The following KTN1 variants were observed in gnomAD, a reference collection of about 807,000 sequenced individuals.
KTN1 encodes the protein kinectin 1, also known as kinectin.
A neutral mutation model predicts 222.5 loss-of-function variants in KTN1; 130 were observed. The ratio of observed to expected loss-of-function variants is 0.58; its 90% confidence interval spans 0.51 to 0.68. The LOEUF (loss-of-function observed/expected upper bound fraction) is 0.68, where lower values mean the gene tolerates loss of function less well. KTN1 is among the 30% of genes least tolerant of loss of function. The pLI, the probability that KTN1 is intolerant of heterozygous loss-of-function variation, is 0.00. For synonymous variants in KTN1, 512 were observed against 496.3 expected (o/e 1.03, Z -0.42); for missense variants, 1,508 against 1,500.4 (o/e 1.01, Z -0.08).
At chr14:55,644,854 A>G (rs2042145762) in intron 18 of KTN1, among the ~76,000 whole-genome samples, 1 of 152,148 alleles carries the variant, frequency 6.6e-6, no homozygotes, top group South Asian at 2.1e-4. Flanking sequence ...AAGCTGAGTC[A>G]GGTTTATGCA....
At chr14:55,657,945 G>A (rs2141189023) in intron 29 of KTN1, among the ~76,000 whole-genome samples, 1 of 151,978 alleles carries the variant, frequency 6.6e-6, no homozygotes, top group Non-Finnish European at 1.5e-5. Flanking sequence ...TTCTTCTAAT[G>A]TGTTTATAAT....
rs1195029594 is a variant in KTN1, at chr14:55,670,830, G to A, written c.3348+21G>A. 2.7e-6 allele frequency: 4 copies of A among 1,476,548 alleles called. No homozygotes were observed. In the African/African-American group the frequency reaches 5.6e-5, roughly 21 times the overall value. The allele number at this position is 1,476,548 out of a possible 1,614,324, so 91.5% of individuals were successfully genotyped here. The stretch of plus-strand genomic sequence containing the variant: ...TTAAGGTTAGTTCAGCAAATGAACT[G>A]TTTGTAATTTAAACATAGAAAAAAG... On this transcript the variant is annotated intron_variant, in intron 35 of 43. Coordinates refer to ENST00000395314, the MANE Select transcript of KTN1 (RefSeq NM_001079521.2).
In KTN1 at chr14:55,650,363, A is replaced by G. The variant is rs952136642; in HGVS notation, c.2441A>G (p.Glu814Gly). The change falls in exon 23 of 44, where the codon GAA becomes GGA. Residue 814 changes from glutamate (E) to glycine (G), a missense_variant. Transcript: ENST00000395314. ...HEKDGKIKSV[E>G]ELLEAELLKV... is the part of the protein sequence containing the mutation. The stretch of plus-strand genomic sequence containing the variant: ...AAAGATGGAAAGATCAAGTCTGTAG[A>G]AGAGCTTCTGGAGGCAGAACTTCTC... 1.2e-6 allele frequency: 2 copies of G among 1,610,944 alleles called. No homozygotes were observed. Among genetic ancestry groups the G allele is most frequent in the African/African-American group, 2.7e-5 (2 of 74,704 alleles).
At chr14:55,657,787 G>A (rs925979155) in intron 29 of KTN1, among the ~76,000 whole-genome samples, 4 of 152,000 alleles carry the variant, frequency 2.6e-5, no homozygotes, top group Non-Finnish European at 4.4e-5. Flanking sequence ...GGTGGCAGGT[G>A]CCTGTAGTCC....
intron 1 of KTN1, among the ~76,000 whole-genome samples, chr14:55,591,289 C>CTA (rs1241143059): frequency 6.6e-6 from 1 of 152,106 alleles, no homozygotes; most frequent in African/African-American, 2.4e-5. Flanking sequence ...TAGTCAAGAC[C>CTA]TAAGTTTTAT....
At chr14:55,640,753 T>C (rs2041705282) in intron 15 of KTN1, among the ~76,000 whole-genome samples, 180 bp from the exon 16 acceptor site, 2 of 151,746 alleles carry the variant, frequency 1.3e-5, no homozygotes, top group Admixed American at 6.6e-5. Context: ...GAATGGAAAA[T>C]AGTCTAGAAT....
chr14:55,651,937 A>G lies in KTN1; in HGVS notation c.2603+10A>G, dbSNP rs188015574. 476 of 1,505,490 alleles carry G rather than the reference A, an allele frequency of 3.2e-4. No individual in the cohort carries two copies. The African/African-American group carries it at 6.1e-3, about 19-fold the overall frequency. The allele number at this position is 1,505,490 out of a possible 1,614,324, so 93.3% of individuals were successfully genotyped here. On this transcript the variant is annotated intron_variant, in intron 25 of 43. Coordinates refer to ENST00000395314, the MANE Select transcript of KTN1 (RefSeq NM_001079521.2). ...AGGAGCTTCAGAACTTGTAAGTACC[A>G]TTTATCTCATTTCCTTTTACTATTT...
At chr14:55,650,841 G>A (rs1293407379) in intron 24 of KTN1, among the ~76,000 whole-genome samples, 4 of 151,916 alleles carry the variant, frequency 2.6e-5, no homozygotes, top group Non-Finnish European at 5.9e-5. Context: ...ACTGTTAATG[G>A]TTATTTTCTA....
Position 55,640,455 on chromosome 14 carries a change from T to C in KTN1, c.1983+13T>C. ...GGCAAATGAGCAGGTAGATCTTTAT[T>C]GCTTTTGAGCATTGATCTCAGAATT... On this transcript the variant is annotated intron_variant, in intron 15 of 43. Coordinates refer to ENST00000395314, the MANE Select transcript of KTN1 (RefSeq NM_001079521.2). 6.3e-7 allele frequency: 1 copy of C among 1,581,684 alleles called. No individual in the cohort carries two copies. The highest frequency in any genetic ancestry group is 8.6e-7 in the Non-Finnish European group (1 of 1,159,562).
Position 55,653,153 on chromosome 14 carries a change from A to G in KTN1, c.2763+68A>G. On this transcript the variant is annotated intron_variant, in intron 27 of 43. Coordinates refer to ENST00000395314, the MANE Select transcript of KTN1 (RefSeq NM_001079521.2). ...TAAATCTTTGTTTAAGGCATTAGAA[A>G]GTAAAGATGTTAATATGTTCTGAGT... 5 of 1,039,622 alleles carry G rather than the reference A, an allele frequency of 4.8e-6. No homozygotes were observed. In the South Asian group the frequency reaches 7.0e-5, roughly 14 times the overall value. The allele number at this position is 1,039,622 out of a possible 1,614,324, so 64.4% of individuals were successfully genotyped here. A position where few individuals can be genotyped will look rare whatever the true frequency, so the allele number is the denominator to read the frequency against.
chr14:55,618,229 C>G (rs1403957231), intron 4 of KTN1, 95 bp downstream of exon 4: 1 of 910,420 alleles, frequency 1.1e-6, no homozygotes, highest in Non-Finnish European at 1.6e-6. Context: ...AGAAACAATG[C>G]ATTTCAAAAG....
At chr14:55,589,419 G>A (rs1361195970) in intron 1 of KTN1, among the ~76,000 whole-genome samples, 3 of 151,656 alleles carry the variant, frequency 2.0e-5, no homozygotes, top group African/African-American at 4.8e-5. Flanking sequence ...GGGCTCAAGC[G>A]ATTCTACTGC....
intron 5 of KTN1, among the ~76,000 whole-genome samples, chr14:55,625,365 T>C (rs1022148560): frequency 2.0e-5 from 3 of 152,242 alleles, no homozygotes; most frequent in Non-Finnish European, 4.4e-5. Context: ...TTGCTTCAGT[T>C]ATATTTTAAA....
chr14:55,615,775 A>G (rs1480158944), intron 2 of KTN1, among the ~76,000 whole-genome samples: 2 of 151,726 alleles, frequency 1.3e-5, no homozygotes, highest in East Asian at 3.9e-4. Flanking sequence ...GTGATGGGGA[A>G]GGGTTTTCTC....
intron 11 of KTN1, 74 bp downstream of exon 11, chr14:55,637,438 G>T: frequency 9.6e-7 from 1 of 1,039,554 alleles, no homozygotes; most frequent in South Asian, 1.9e-5. Flanking sequence ...CTAGAAGAGA[G>T]ACTAAAGTCT....
In KTN1 at chr14:55,684,190, T is replaced by G; in HGVS notation, c.*87T>G. On this transcript the variant is annotated 3_prime_UTR_variant, in exon 44 of 44. Coordinates refer to ENST00000395314, the MANE Select transcript of KTN1 (RefSeq NM_001079521.2). ...AAAGCCTTATTTATGTTTTCACCCT[T>G]TCTACTTTGTCAGAAACACTGAACA... is the stretch of plus-strand genomic sequence containing the variant. 9.7e-7 allele frequency: 1 copy of G among 1,030,440 alleles called. No homozygotes were observed. Among genetic ancestry groups the G allele is most frequent in the Non-Finnish European group, 1.5e-6 (1 of 686,586 alleles). 63.8% of individuals were successfully genotyped at this position (1,030,440 alleles called of 1,614,324 possible).
intron 40 of KTN1, 45 bp downstream of exon 40, chr14:55,673,300 C>T (rs1156485092): frequency 2.4e-6 from 3 of 1,253,112 alleles, no homozygotes; most frequent in African/African-American, 3.0e-5. Flanking sequence ...GCACTGAAAA[C>T]ACTTTATTGA....
At chr14:55,679,837 C>T (rs928289790) in intron 43 of KTN1, 152 bp downstream of exon 43, 1 of 792,134 alleles carries the variant, frequency 1.3e-6, no homozygotes, top group African/African-American at 1.8e-5. Context: ...TTTCTTGGAG[C>T]TTTAGTTCTA....
chr14:55,683,229 C>T (rs1427864605), intron 43 of KTN1: 2 of 152,082 alleles, frequency 1.3e-5, no homozygotes, highest in Non-Finnish European at 1.5e-5. Context: ...TGTTAATAGC[C>T]AGTGATAACT....
Sources: allele counts gnomAD v4.1 joint callset (sites outside exome capture counted in the v4.1 genomes callset), GRCh38; gene constraint gnomAD v4.1.1; transcripts MANE v1.5; gene names NCBI Gene and HGNC (gene_info 2026-07-23, HGNC 2026-07-21).